Variants in SLC16A10 observed in about 807,000 individuals in gnomAD.
The protein encoded by SLC16A10 is monocarboxylate transporter 10.
A neutral mutation model predicts 40.0 loss-of-function variants in SLC16A10; 27 were observed. That is an observed-to-expected ratio of 0.67 (90% CI 0.50 to 0.93). The LOEUF (loss-of-function observed/expected upper bound fraction) is 0.93. Ranked by LOEUF, SLC16A10 falls within the 40% of genes least tolerant of loss-of-function variation. SLC16A10 has a pLI of 0.00. For missense variants in SLC16A10, 529 were observed against 658.2 expected, an observed-to-expected ratio of 0.80 and a Z score of 2.15; for synonymous variants, 213 against 249.8, an observed-to-expected ratio of 0.85 and a Z score of 1.39.
chr6:111,167,673 G>GAGAGAA (rs1353860525), intron 1 of SLC16A10, among the ~76,000 whole-genome samples: 1 of 151,820 alleles, frequency 6.6e-6, no homozygotes, highest in Admixed American at 6.6e-5. Context: ...GAGAGAGAGA[G>GAGAGAA]AGAGAAAGAG....
chr6:111,155,876 G>A (rs1772261392), intron 1 of SLC16A10, among the ~76,000 whole-genome samples: 1 of 152,154 alleles, frequency 6.6e-6, no homozygotes, highest in African/African-American at 2.4e-5. Context: ...AAAACACCTA[G>A]CACCATTTAT....
intron 1 of SLC16A10, among the ~76,000 whole-genome samples, chr6:111,131,669 C>G (rs1771785943): frequency 1.3e-5 from 2 of 152,202 alleles, no homozygotes; most frequent in South Asian, 2.1e-4. Context: ...TGTCTAACAG[C>G]CCCCAACCCT....
chr6:111,140,134 C>G (rs910705086), intron 1 of SLC16A10, among the ~76,000 whole-genome samples: 15 of 152,196 alleles, frequency 9.9e-5, no homozygotes, highest in Admixed American at 9.8e-4. Context: ...AACAAACCTT[C>G]ACATGTACCC....
rs941501364 is a variant in SLC16A10 at position 111,230,351 on chromosome 6, A to G, written c.*8116A>G. The G allele has an allele frequency of 1.3e-5, 2 of 152,186 alleles. No homozygotes were observed. Among genetic ancestry groups the G allele is most frequent in the African/African-American group, 4.8e-5 (2 of 41,444 alleles). 9.4% of individuals were successfully genotyped at this position (152,186 alleles called of 1,614,324 possible). A position where few individuals can be genotyped will look rare whatever the true frequency, so the allele number is the denominator to read the frequency against. ...ACTGTATTTTATGAGGATTTTATAAATGTAAATTAAGAAGACAATACACAC... is the reference window on the plus strand; with the variant it reads ...ACTGTATTTTATGAGGATTTTATAAGTGTAAATTAAGAAGACAATACACAC... On this transcript the variant is annotated 3_prime_UTR_variant, in exon 6 of 6. Transcript: ENST00000368851.
intron 1 of SLC16A10, among the ~76,000 whole-genome samples, chr6:111,105,662 C>G (rs1399564740): frequency 6.6e-6 from 1 of 152,192 alleles, no homozygotes; most frequent in African/African-American, 2.4e-5. Flanking sequence ...AAGAGAGTGT[C>G]AAAGTACTTT....
At chr6:111,208,582 A>G (rs1773292287) in intron 4 of SLC16A10, among the ~76,000 whole-genome samples, 1 of 147,240 alleles carries the variant, frequency 6.8e-6, no homozygotes, top group African/African-American at 2.5e-5. Flanking sequence ...CATCTCAGAG[A>G]AAAAAAAAAA....
In SLC16A10 at chr6:111,223,846, T is replaced by G. The variant is rs957186664; in HGVS notation, c.*1611T>G. 6.6e-6 allele frequency: 1 copy of G among 152,380 alleles called. No individual in the cohort carries two copies. Among genetic ancestry groups the G allele is most frequent in the Non-Finnish European group, 1.5e-5 (1 of 68,238 alleles). 9.4% of individuals were successfully genotyped at this position (152,380 alleles called of 1,614,324 possible). A position where few individuals can be genotyped will look rare whatever the true frequency, so the allele number is the denominator to read the frequency against. On this transcript the variant is annotated 3_prime_UTR_variant, in exon 6 of 6. Coordinates refer to ENST00000368851, the MANE Select transcript of SLC16A10 (RefSeq NM_018593.5). ...TGGGTAAGGTGGCTTGCGCCTATAATCCCAGCACTTTGGGAGGCTGAGGAG... is the reference window on the plus strand; with the variant it reads ...TGGGTAAGGTGGCTTGCGCCTATAAGCCCAGCACTTTGGGAGGCTGAGGAG...
chr6:111,109,593 C>A (rs903584224), intron 1 of SLC16A10, among the ~76,000 whole-genome samples: 6 of 151,922 alleles, frequency 3.9e-5, no homozygotes, highest in Admixed American at 3.3e-4. Flanking sequence ...TAACTGGGAC[C>A]ACAGGTGTGT....
intron 1 of SLC16A10, among the ~76,000 whole-genome samples, chr6:111,094,768 G>T (rs1771043795): frequency 6.6e-6 from 1 of 151,794 alleles, no homozygotes; most frequent in Non-Finnish European, 1.5e-5. Context: ...TTTTTGAGTA[G>T]CTGCAACACC....
intron 4 of SLC16A10, among the ~76,000 whole-genome samples, chr6:111,216,425 A>T (rs1246974652): frequency 6.6e-6 from 1 of 150,970 alleles, no homozygotes; most frequent in African/African-American, 2.4e-5. Context: ...TTTTTTTGAG[A>T]GGGAGTCTCA....
chr6:111,134,861 C>T (rs1243086781), intron 1 of SLC16A10, among the ~76,000 whole-genome samples: 2 of 152,158 alleles, frequency 1.3e-5, no homozygotes, highest in African/African-American at 2.4e-5. Context: ...CCAGCCCATG[C>T]CATCACCCTC....
intron 1 of SLC16A10, among the ~76,000 whole-genome samples, chr6:111,119,516 T>A (rs1771546782): frequency 6.6e-6 from 1 of 152,226 alleles, no homozygotes; most frequent in Non-Finnish European, 1.5e-5. Flanking sequence ...TTGTGAGGTG[T>A]ACAAAAATGA....
chr6:111,210,937 C>G (rs1311720402), intron 4 of SLC16A10, among the ~76,000 whole-genome samples: 2 of 151,104 alleles, frequency 1.3e-5, no homozygotes, highest in Admixed American at 6.6e-5. Flanking sequence ...GCAGGAGAGT[C>G]GCTTGAATCT....
intron 3 of SLC16A10, among the ~76,000 whole-genome samples, chr6:111,185,071 A>G (rs1772870670): frequency 6.6e-6 from 1 of 152,176 alleles, no homozygotes; most frequent in Admixed American, 6.5e-5. Flanking sequence ...GATTCATGTA[A>G]CATTTGCCAA....
intron 1 of SLC16A10, among the ~76,000 whole-genome samples, chr6:111,139,095 T>C (rs72939543): frequency 4.2e-4 from 9 of 21,344 alleles, no homozygotes; most frequent in African/African-American, 6.8e-4. Context: ...TCTTCTTCTT[T>C]TTTTTTTTTT....
At position 111,133,913 on chromosome 6, in the gene SLC16A10, G is replaced by T. The variant is rs555354290; in HGVS notation, c.344-38782G>T. Among the ~76,000 whole-genome samples, 10 of 152,330 alleles carry T rather than the reference G, an allele frequency of 6.6e-5. No individual in the cohort carries two copies. In the South Asian group the frequency reaches 2.1e-3, roughly 32 times the overall value. ...CTCACACTTGAAGCAAATTAAAATA[G>T]ACCTAGGTAAATTCTCAGATAACCC... On this transcript the variant is annotated intron_variant, in intron 1 of 5. Coordinates refer to ENST00000368851, the MANE Select transcript of SLC16A10 (RefSeq NM_018593.5).
intron 1 of SLC16A10, among the ~76,000 whole-genome samples, chr6:111,124,224 T>C (rs1442812663): frequency 6.6e-6 from 1 of 152,150 alleles, no homozygotes; most frequent in Non-Finnish European, 1.5e-5. Flanking sequence ...AACTCTATGC[T>C]TTCAACTCTT....
intron 1 of SLC16A10, among the ~76,000 whole-genome samples, chr6:111,130,282 A>G (rs146332675): frequency 6.6e-6 from 1 of 152,256 alleles, no homozygotes; most frequent in East Asian, 1.9e-4. Flanking sequence ...TCTAGGGGAG[A>G]AGGTCTTCCT....
intron 1 of SLC16A10, among the ~76,000 whole-genome samples, chr6:111,115,559 G>T (rs1429169098): frequency 6.6e-6 from 1 of 152,158 alleles, no homozygotes; most frequent in Non-Finnish European, 1.5e-5. Context: ...AGGATTGGCT[G>T]GCATTATTTC....
Sources: gnomAD v4.1 joint callset for allele counts (sites outside exome capture counted in the v4.1 genomes callset) on GRCh38, gnomAD v4.1.1 for gene constraint, MANE v1.5 for transcripts, NCBI Gene and HGNC (gene_info 2026-07-23, HGNC 2026-07-21) for gene names.